The following RALYL variants were observed in gnomAD, a reference collection of about 807,000 sequenced individuals.
RALYL encodes the protein RALY RNA binding protein like, also known as RNA-binding Raly-like protein.
Under a neutral mutation model 35.1 loss-of-function variants are expected in RALYL, and 29 were observed. The observed-to-expected ratio is 0.83, with a 90% CI of 0.61 to 1.13. The LOEUF is 1.13. Among genes scored for constraint, RALYL ranks in the 50% most tolerant of loss-of-function variants. The pLI is 0.00. For synonymous variants in RALYL, 120 were observed against 127.6 expected, an observed-to-expected ratio of 0.94 and a Z score of 0.40; for missense variants, 359 against 360.4, an observed-to-expected ratio of 1.00 and a Z score of 0.03.
intron 1 of RALYL, among the ~76,000 whole-genome samples, chr8:84,361,972 T>TA (rs1490835883): frequency 6.6e-6 from 1 of 152,158 alleles, no homozygotes; most frequent in Non-Finnish European, 1.5e-5. Context: ...CCTTCATCTG[T>TA]AAAATTCCCA....
At chr8:84,222,578 C>A (rs1009190056) in intron 1 of RALYL, among the ~76,000 whole-genome samples, 1 of 152,066 alleles carries the variant, frequency 6.6e-6, no homozygotes, top group African/African-American at 2.4e-5. Context: ...CTTTATCCCA[C>A]CTTGGGAGAT....
intron 6 of RALYL, among the ~76,000 whole-genome samples, chr8:84,866,245 G>A (rs1321206966): frequency 6.6e-6 from 1 of 152,094 alleles, no homozygotes; most frequent in African/African-American, 2.4e-5. Flanking sequence ...GAAGAACAGA[G>A]GCTTTCCTGT....
chr8:84,466,437 G>A (rs2051656234), intron 1 of RALYL, among the ~76,000 whole-genome samples: 1 of 149,544 alleles, frequency 6.7e-6, no homozygotes. Flanking sequence ...TTATATGCTG[G>A]ATTACATTTC....
At chr8:84,423,935 G>A (rs1182706426) in intron 1 of RALYL, among the ~76,000 whole-genome samples, 3 of 151,722 alleles carry the variant, frequency 2.0e-5, no homozygotes, top group Non-Finnish European at 4.4e-5. Flanking sequence ...AGTCTGATGG[G>A]CTTCCCTTTG....
chr8:84,766,236 G>A (rs999555539), intron 2 of RALYL, among the ~76,000 whole-genome samples: 26 of 152,090 alleles, frequency 1.7e-4, no homozygotes, highest in African/African-American at 5.1e-4. Flanking sequence ...TAGATATATC[G>A]TCCAAAATAT....
chr8:84,772,733 A>C (rs376641819), intron 2 of RALYL, among the ~76,000 whole-genome samples: 2 of 152,244 alleles, frequency 1.3e-5, no homozygotes, highest in East Asian at 3.9e-4. Context: ...TGGATGCTTT[A>C]CAATTTTTTA....
At chr8:84,604,030 A>G (rs1816566682) in intron 2 of RALYL, among the ~76,000 whole-genome samples, 1 of 152,112 alleles carries the variant, frequency 6.6e-6, no homozygotes. Context: ...TATGGAACCA[A>G]TGACTTGAAT....
chr8:84,335,924 T>C (rs1247159123), intron 1 of RALYL, among the ~76,000 whole-genome samples: 3 of 152,070 alleles, frequency 2.0e-5, no homozygotes, highest in Non-Finnish European at 4.4e-5. Flanking sequence ...CATTTCCAGC[T>C]CCTGTCCTCC....
intron 1 of RALYL, among the ~76,000 whole-genome samples, chr8:84,497,829 G>C (rs80177981): frequency 6.6e-6 from 1 of 151,806 alleles, no homozygotes; most frequent in East Asian, 1.9e-4. Flanking sequence ...TTTTAGTAGA[G>C]ACGGGGTTTC....
intron 2 of RALYL, among the ~76,000 whole-genome samples, chr8:84,623,591 A>G (rs576592775): frequency 1.3e-5 from 2 of 152,248 alleles, no homozygotes; most frequent in South Asian, 2.1e-4. Flanking sequence ...GAAGTTGTCA[A>G]TTGGGGTGCA....
At chr8:84,850,898 G>GTTT (rs1459109906) in intron 5 of RALYL, among the ~76,000 whole-genome samples, 2 of 152,130 alleles carry the variant, frequency 1.3e-5, no homozygotes, top group African/African-American at 4.8e-5. Context: ...AGCGTTATAC[G>GTTT]TTTCATCACA....
Position 84,724,240 on chromosome 8 carries a change from T to C in RALYL, c.257-50339T>C, listed in dbSNP as rs80044148. 3.0e-4 allele frequency among the ~76,000 whole-genome samples: 45 copies of C among 151,956 alleles called. 2 individuals carry two copies. The East Asian group carries it at 8.7e-3, about 29-fold the overall frequency. The stretch of plus-strand genomic sequence containing the variant: ...CTACAAAGGGTGAAACCTCTTTGAA[T>C]TAATGCCTCTTAATGGTTGGAAATT... On this transcript the variant is annotated intron_variant, in intron 2 of 8. Transcript: ENST00000521268.
intron 8 of RALYL, among the ~76,000 whole-genome samples, chr8:84,906,569 C>T (rs1162956972): frequency 2.0e-5 from 3 of 151,954 alleles, no homozygotes; most frequent in Non-Finnish European, 4.4e-5. Context: ...AAGTGGGGCA[C>T]TTTTCTTCCC....
intron 2 of RALYL, among the ~76,000 whole-genome samples, chr8:84,703,396 C>T (rs963841976): frequency 5.3e-5 from 8 of 152,122 alleles, no homozygotes; most frequent in Non-Finnish European, 1.2e-4. Context: ...GTGGGCCAAA[C>T]ATTGACGAGT....
At chr8:84,669,969 T>C (rs1832889145) in intron 2 of RALYL, among the ~76,000 whole-genome samples, 1 of 152,218 alleles carries the variant, frequency 6.6e-6, no homozygotes, top group Non-Finnish European at 1.5e-5. Context: ...CTCTTTATGT[T>C]CATCTTTCTT....
intron 2 of RALYL, among the ~76,000 whole-genome samples, chr8:84,545,688 G>GT (rs1255845005): frequency 6.6e-6 from 1 of 152,000 alleles, no homozygotes; most frequent in East Asian, 1.9e-4. Flanking sequence ...CATAAATAGA[G>GT]TATTTTCTCA....
intron 1 of RALYL, among the ~76,000 whole-genome samples, chr8:84,318,371 C>A (rs1485465814): frequency 1.3e-5 from 2 of 152,194 alleles, no homozygotes; most frequent in Non-Finnish European, 2.9e-5. Flanking sequence ...TCTGCATCTA[C>A]AACATACCAG....
intron 1 of RALYL, among the ~76,000 whole-genome samples, chr8:84,413,043 A>T (rs1014017168): frequency 6.6e-6 from 1 of 151,334 alleles, no homozygotes; most frequent in Non-Finnish European, 1.5e-5. Flanking sequence ...TCCCTAATTA[A>T]ATGCTTACTA....
intron 1 of RALYL, among the ~76,000 whole-genome samples, chr8:84,225,482 C>G (rs910160268): frequency 1.3e-5 from 2 of 152,174 alleles, no homozygotes; most frequent in African/African-American, 4.8e-5. Context: ...GCTTATCTCT[C>G]CAACCTTGTC....
Sources: gnomAD v4.1 joint callset for allele counts (sites outside exome capture counted in the v4.1 genomes callset) on GRCh38, gnomAD v4.1.1 for gene constraint, MANE v1.5 for transcripts, NCBI Gene and HGNC (gene_info 2026-07-23, HGNC 2026-07-21) for gene names.